Variants in PTPRD observed in about 807,000 individuals in gnomAD.
The protein encoded by PTPRD is receptor-type tyrosine-protein phosphatase delta.
Under a neutral mutation model 214.5 loss-of-function variants are expected in PTPRD, and 34 were observed. The observed-to-expected ratio is 0.16, with a 90% CI of 0.12 to 0.21. The LOEUF (loss-of-function observed/expected upper bound fraction) is 0.21. Among genes scored for constraint, PTPRD ranks in the 10% least tolerant of loss-of-function variants. The pLI, the probability that PTPRD is intolerant of heterozygous loss-of-function variation, is 1.00. For synonymous variants in PTPRD, 1,128 were observed against 845.7 expected, an observed-to-expected ratio of 1.33 and a Z score of -5.79; for missense variants, 2,545 against 2,398.7, an observed-to-expected ratio of 1.06 and a Z score of -1.27.
chr9:9,953,560 A>T (rs2093642668), intron 4 of PTPRD, among the ~76,000 whole-genome samples: 1 of 151,920 alleles, frequency 6.6e-6, no homozygotes, highest in Non-Finnish European at 1.5e-5. Context: ...GTTTCTCTGG[A>T]GAATTCTAAC....
intron 9 of PTPRD, among the ~76,000 whole-genome samples, chr9:9,221,572 G>C (rs1351067801): frequency 6.6e-6 from 1 of 151,936 alleles, no homozygotes; most frequent in Non-Finnish European, 1.5e-5. Context: ...TCCTCTCCTT[G>C]TGTGCTCCAT....
At chr9:8,330,064 A>G (rs1282705852) in intron 44 of PTPRD, among the ~76,000 whole-genome samples, 1 of 152,146 alleles carries the variant, frequency 6.6e-6, no homozygotes, top group Non-Finnish European at 1.5e-5. Flanking sequence ...GAAGTGCAGT[A>G]TCTGGGCCAG....
At chr9:10,020,169 A>G (rs1672123686) in intron 4 of PTPRD, among the ~76,000 whole-genome samples, 1 of 152,218 alleles carries the variant, frequency 6.6e-6, no homozygotes. Context: ...ACCATTTTAT[A>G]ACCAAACAGT....
intron 4 of PTPRD, among the ~76,000 whole-genome samples, chr9:9,988,126 A>G (rs1343097832): frequency 2.0e-5 from 3 of 152,160 alleles, no homozygotes; most frequent in Admixed American, 2.0e-4. Context: ...TCTTATTTCA[A>G]GAGTAAATTG....
intron 4 of PTPRD, among the ~76,000 whole-genome samples, chr9:9,963,595 G>A (rs114776707): frequency 0.018 from 2,731 of 152,134 alleles, 86 homozygotes; most frequent in African/African-American, 0.062. Flanking sequence ...TCATAAAAAA[G>A]GCAGCATAAA....
chr9:8,553,249 T>C (rs978704629), intron 14 of PTPRD, among the ~76,000 whole-genome samples: 1 of 152,182 alleles, frequency 6.6e-6, no homozygotes, highest in Non-Finnish European at 1.5e-5. Context: ...AACTGTGCCT[T>C]TATAGAAATA....
At chr9:9,987,796 T>G (rs1271650010) in intron 4 of PTPRD, among the ~76,000 whole-genome samples, 4 of 152,210 alleles carry the variant, frequency 2.6e-5, no homozygotes, top group Non-Finnish European at 5.9e-5. Flanking sequence ...TGGAATAAAT[T>G]CTTTCTTATA....
rs1180375973 is a variant in PTPRD at position 8,544,031 on chromosome 9, T to C, written c.353-15252A>G. On this transcript the variant is annotated intron_variant, in intron 14 of 45. Coordinates refer to ENST00000381196, the MANE Select transcript of PTPRD (RefSeq NM_002839.4). ...GGCCAAAACATTTTAAATTTAGTTT[T>C]ATTTTCATGGATATCATAGCCCACC... is the stretch of plus-strand genomic sequence containing the variant. Among the ~76,000 whole-genome samples, 8 of 152,076 alleles carry C rather than the reference T, an allele frequency of 5.3e-5. 1 individual carries two copies. In the Middle Eastern group the frequency reaches 0.01, roughly 195 times the overall value.
At chr9:10,037,332 C>T (rs2097203034) in intron 3 of PTPRD, among the ~76,000 whole-genome samples, 1 of 151,888 alleles carries the variant, frequency 6.6e-6, no homozygotes, top group Non-Finnish European at 1.5e-5. Flanking sequence ...AACACCATCC[C>T]CCTTGGTGGT....
At chr9:8,404,185 G>C (rs891435982) in intron 36 of PTPRD, among the ~76,000 whole-genome samples, 4 of 152,162 alleles carry the variant, frequency 2.6e-5, no homozygotes, top group African/African-American at 9.7e-5. Flanking sequence ...CTGGAGTACA[G>C]TGACACGATC....
chr9:8,961,040 C>A (rs1174456782), intron 11 of PTPRD, among the ~76,000 whole-genome samples: 1 of 152,004 alleles, frequency 6.6e-6, no homozygotes, highest in Non-Finnish European at 1.5e-5. Context: ...CAATCAATTA[C>A]AATTAATATA....
At chr9:9,742,997 AT>A (rs1387192380) in intron 6 of PTPRD, among the ~76,000 whole-genome samples, 1 of 152,156 alleles carries the variant, frequency 6.6e-6, no homozygotes, top group African/African-American at 2.4e-5. Context: ...CTTCTATGTC[AT>A]ACCAATTACT....
chr9:10,465,866 T>C (rs1335162955), intron 2 of PTPRD, among the ~76,000 whole-genome samples: 1 of 152,216 alleles, frequency 6.6e-6, no homozygotes, highest in Non-Finnish European at 1.5e-5. Context: ...CATGACTGTT[T>C]ATACAGATCC....
rs1341795558 is a variant in PTPRD, at chr9:8,973,867, T to A, written c.-104+44830A>T. On this transcript the variant is annotated intron_variant, in intron 11 of 45. Transcript: ENST00000381196. Reference sequence around the variant, plus strand: ...TGTTGGCTGCTTGTATGTCTTCTTTTAAGAAATACTTCTTTGTGTCTTTTG... The same window carrying A: ...TGTTGGCTGCTTGTATGTCTTCTTTAAAGAAATACTTCTTTGTGTCTTTTG... 9.2e-5 allele frequency among the ~76,000 whole-genome samples: 14 copies of A among 152,296 alleles called. No individual in the cohort carries two copies. The East Asian group carries it at 2.3e-3, about 25-fold the overall frequency.
chr9:9,781,239 A>G (rs2098840440), intron 5 of PTPRD, among the ~76,000 whole-genome samples: 1 of 152,238 alleles, frequency 6.6e-6, no homozygotes, highest in Non-Finnish European at 1.5e-5. Context: ...ATATCAAAGT[A>G]AAGATGTCAA....
At chr9:8,705,534 C>G (rs1230897368) in intron 12 of PTPRD, among the ~76,000 whole-genome samples, 3 of 152,168 alleles carry the variant, frequency 2.0e-5, no homozygotes, top group Non-Finnish European at 4.4e-5. Context: ...TACTTGGGAA[C>G]ATCATTTTCC....
At chr9:10,441,698 T>G (rs559774354) in intron 2 of PTPRD, among the ~76,000 whole-genome samples, 15 of 151,814 alleles carry the variant, frequency 9.9e-5, no homozygotes, top group South Asian at 6.2e-4. Context: ...TTAAATATCT[T>G]TGCAATATCT....
At chr9:8,558,142 C>A (rs184461808) in intron 14 of PTPRD, among the ~76,000 whole-genome samples, 1 of 152,296 alleles carries the variant, frequency 6.6e-6, no homozygotes, top group East Asian at 1.9e-4. Context: ...CAAAGCAGGC[C>A]TTGCCTCCCT....
chr9:8,687,475 A>G (rs2097704941), intron 12 of PTPRD, among the ~76,000 whole-genome samples: 1 of 152,192 alleles, frequency 6.6e-6, no homozygotes, highest in Non-Finnish European at 1.5e-5. Flanking sequence ...TGTGAACCAC[A>G]TGGTCTGTGA....
Sources: gnomAD v4.1 joint callset for allele counts (sites outside exome capture counted in the v4.1 genomes callset) on GRCh38, gnomAD v4.1.1 for gene constraint, MANE v1.5 for transcripts, NCBI Gene and HGNC (gene_info 2026-07-23, HGNC 2026-07-21) for gene names.